The following RGS7 variants were observed in gnomAD, a reference collection of about 807,000 sequenced individuals.
RGS7 encodes regulator of G-protein signaling 7.
Under a neutral mutation model 81.1 loss-of-function variants are expected in RGS7, and 27 were observed. The ratio of observed to expected loss-of-function variants is 0.33; its 90% CI spans 0.25 to 0.46. The LOEUF (loss-of-function observed/expected upper bound fraction) is 0.46. Ranked by LOEUF, RGS7 falls within the 20% of genes least tolerant of loss-of-function variation. The pLI is 1.00. For missense variants in RGS7, 396 were observed against 607.4 expected (o/e 0.65, Z 3.66); for synonymous variants, 208 against 207.7 (o/e 1.00, Z -0.01).
intron 3 of RGS7, among the ~76,000 whole-genome samples, chr1:241,039,025 T>C (rs1200826859): frequency 6.6e-6 from 1 of 151,644 alleles, no homozygotes; most frequent in Non-Finnish European, 1.5e-5. Flanking sequence ...GTCAGGCAGC[T>C]CGTCAAGGAG....
chr1:240,843,562 G>A (rs553663410), intron 9 of RGS7, among the ~76,000 whole-genome samples: 10 of 152,206 alleles, frequency 6.6e-5, no homozygotes, highest in African/African-American at 2.2e-4. Flanking sequence ...CACTATGCCC[G>A]GCCTGACACA....
At chr1:241,006,021 A>G (rs2058674514) in intron 3 of RGS7, among the ~76,000 whole-genome samples, 1 of 152,140 alleles carries the variant, frequency 6.6e-6, no homozygotes, top group South Asian at 2.1e-4. Context: ...CACAGAGCTT[A>G]TTGTAGACAT....
intron 2 of RGS7, among the ~76,000 whole-genome samples, chr1:241,324,000 A>G (rs1384754545): frequency 6.6e-6 from 1 of 152,156 alleles, no homozygotes. Context: ...TTAGTCTCCA[A>G]TTTATCATGT....
chr1:241,048,299 A>C (rs2061056133), intron 3 of RGS7, among the ~76,000 whole-genome samples: 1 of 152,186 alleles, frequency 6.6e-6, no homozygotes, highest in Non-Finnish European at 1.5e-5. Context: ...AAAATATAAA[A>C]GTAAGTTCAA....
intron 2 of RGS7, among the ~76,000 whole-genome samples, chr1:241,255,728 G>A (rs755232092): frequency 1.1e-4 from 16 of 152,038 alleles, no homozygotes; most frequent in Admixed American, 5.9e-4. Context: ...TTCTGCATTC[G>A]TATTCAACTG....
chr1:241,022,879 GGTAACTTGC>G (rs2059608059), intron 3 of RGS7, among the ~76,000 whole-genome samples: 1 of 152,074 alleles, frequency 6.6e-6, no homozygotes. Context: ...TAAAAGGTTA[GGTAACTTGC>G]TGGTGGCCTC....
intron 3 of RGS7, among the ~76,000 whole-genome samples, chr1:241,088,017 T>G (rs891456100): frequency 8.7e-6 from 1 of 115,514 alleles, no homozygotes; most frequent in Non-Finnish European, 1.8e-5. Flanking sequence ...CATATATATA[T>G]ACACACACAC....
chr1:240,853,767 T>TG (rs1553325305), intron 9 of RGS7, among the ~76,000 whole-genome samples: 4 of 151,022 alleles, frequency 2.6e-5, no homozygotes, highest in Non-Finnish European at 4.4e-5. Flanking sequence ...CCGGGCGTGG[T>TG]GCGGGCACCT....
At chr1:241,041,286 C>G (rs372802831) in intron 3 of RGS7, among the ~76,000 whole-genome samples, 3 of 152,016 alleles carry the variant, frequency 2.0e-5, no homozygotes, top group South Asian at 2.1e-4. Flanking sequence ...TGATCTTTCA[C>G]TAAAGTCTAA....
chr1:241,179,260 A>G (rs779307526), intron 2 of RGS7, among the ~76,000 whole-genome samples: 1 of 152,008 alleles, frequency 6.6e-6, no homozygotes, highest in African/African-American at 2.4e-5. Context: ...ATGCCCAGCT[A>G]ATTTTTTTGT....
intron 2 of RGS7, among the ~76,000 whole-genome samples, chr1:241,275,516 A>G (rs2078147775): frequency 6.6e-6 from 1 of 152,146 alleles, no homozygotes; most frequent in Non-Finnish European, 1.5e-5. Context: ...AGAATCCTCT[A>G]TGGTAGGAAA....
intron 2 of RGS7, among the ~76,000 whole-genome samples, chr1:241,204,265 A>C (rs1385752873): frequency 6.6e-6 from 1 of 152,238 alleles, no homozygotes; most frequent in African/African-American, 2.4e-5. Context: ...ATTGGATTGA[A>C]AGGATCCCAG....
intron 2 of RGS7, among the ~76,000 whole-genome samples, chr1:241,263,233 C>T (rs553375979): frequency 2.6e-4 from 39 of 152,116 alleles, no homozygotes; most frequent in African/African-American, 8.7e-4. Flanking sequence ...CCCGAGATCT[C>T]GCCACTGCAC....
chr1:240,939,369 A>G (rs868525871), intron 4 of RGS7, among the ~76,000 whole-genome samples: 10 of 152,296 alleles, frequency 6.6e-5, no homozygotes, highest in Middle Eastern at 3.4e-3. Flanking sequence ...ATATCTAACA[A>G]AAGTTTTAAA....
intron 2 of RGS7, among the ~76,000 whole-genome samples, chr1:241,256,926 TACACACACACACACACAC>T (rs10552436): frequency 1.5e-4 from 22 of 146,254 alleles, no homozygotes; most frequent in Admixed American, 8.2e-4. Context: ...CCACTAGAAA[TACACACACACACACACAC>T]ACACACACAC....
intron 2 of RGS7, among the ~76,000 whole-genome samples, chr1:241,323,960 T>G (rs1041633405): frequency 1.3e-5 from 2 of 152,228 alleles, no homozygotes; most frequent in Non-Finnish European, 2.9e-5. Flanking sequence ...TTATTACCTC[T>G]GTGGCCCTAA....
At position 241,238,966 on chromosome 1, in the gene RGS7, C is replaced by CTCTCTT. The variant is rs397786851; in HGVS notation, c.78+116732_78+116733insAAGAGA. Among the ~76,000 whole-genome samples the CTCTCTT allele has an allele frequency of 9.3e-4, 99 of 106,634 alleles. 1 individual carries two copies. Among genetic ancestry groups the CTCTCTT allele is most frequent in the Non-Finnish European group, 1.2e-3 (67 of 54,814 alleles). The allele number at this position is 106,634 out of a possible 152,430, so 70.0% of individuals were successfully genotyped here. On this transcript the variant is annotated intron_variant, in intron 2 of 18. Transcript: ENST00000440928. ...CTCCAAATAGCTATTGCCTCTCTCT[C>CTCTCTT]TTTTTTTTTTTTTTTTTTTTGAGAT...
chr1:241,178,551 G>T (rs2103296804), intron 2 of RGS7, among the ~76,000 whole-genome samples: 1 of 152,242 alleles, frequency 6.6e-6, no homozygotes, highest in African/African-American at 2.4e-5. Flanking sequence ...AAAGTAGAAG[G>T]AAAACCAAAA....
At chr1:241,012,719 A>T (rs2059019268) in intron 3 of RGS7, among the ~76,000 whole-genome samples, 1 of 152,206 alleles carries the variant, frequency 6.6e-6, no homozygotes, top group South Asian at 2.1e-4. Flanking sequence ...GCATCTGTAG[A>T]GAAAATCTAC....
Sources: allele counts gnomAD v4.1 joint callset (sites outside exome capture counted in the v4.1 genomes callset), GRCh38; gene constraint gnomAD v4.1.1; transcripts MANE v1.5; gene names NCBI Gene and HGNC (gene_info 2026-07-23, HGNC 2026-07-21).